The following SAMD5 variants were observed in gnomAD, a reference collection of about 807,000 sequenced individuals.
The protein encoded by SAMD5 is sterile alpha motif domain containing 5, also known as sterile alpha motif domain-containing protein 5.
A neutral mutation model predicts 11.3 loss-of-function variants in SAMD5; 13 were observed. The ratio of observed to expected loss-of-function variants is 1.15; its 90% CI spans 0.75 to 1.83. The LOEUF is 1.83. SAMD5 is among the 40% of genes most tolerant of loss of function. The probability of loss-of-function intolerance (pLI) is 0.00; values close to 1 mark genes in which losing one functional copy is unlikely to be tolerated. For missense variants in SAMD5, 255 were observed against 239.1 expected, an observed-to-expected ratio of 1.07 and a Z score of -0.44; for synonymous variants, 129 against 111.3, an observed-to-expected ratio of 1.16 and a Z score of -1.00.
intron 1 of SAMD5, among the ~76,000 whole-genome samples, chr6:147,621,494 C>A (rs11155510): frequency 0.43 from 65,676 of 152,028 alleles, 14,903 homozygotes; most frequent in East Asian, 0.58. Context: ...ATCCAACAGC[C>A]ATCCCTCCTT....
the SAMD5 span, among the ~76,000 whole-genome samples, chr6:147,769,009 G>A: frequency 2.0e-5 from 3 of 152,138 alleles, no homozygotes; most frequent in South Asian, 6.2e-4. Flanking sequence ...GCCCAGGTTG[G>A]TCTCGAACTC....
the SAMD5 span, among the ~76,000 whole-genome samples, chr6:147,791,287 C>T: frequency 1.3e-5 from 2 of 149,668 alleles, no homozygotes; most frequent in Non-Finnish European, 3.0e-5. Context: ...AAGACCCCGT[C>T]TCAAATAAAT....
chr6:147,733,203 C>A (rs1290106963), intron 1 of SAMD5, among the ~76,000 whole-genome samples: 5 of 152,186 alleles, frequency 3.3e-5, no homozygotes. Context: ...TAGGTCATAA[C>A]AAAAGCATTA....
the SAMD5 span, among the ~76,000 whole-genome samples, chr6:147,771,664 GTCC>G: frequency 9.2e-5 from 14 of 152,022 alleles, no homozygotes; most frequent in Non-Finnish European, 1.6e-4. Flanking sequence ...AAATGTGAAG[GTCC>G]TCATCACCAA....
chr6:147,633,790 A>G (rs1790185903), intron 1 of SAMD5, among the ~76,000 whole-genome samples: 1 of 151,530 alleles, frequency 6.6e-6, no homozygotes, highest in Non-Finnish European at 1.5e-5. Flanking sequence ...GTGTGTTCAA[A>G]GGAGTGTATT....
intron 1 of SAMD5, among the ~76,000 whole-genome samples, chr6:147,672,048 C>T (rs1338480956): frequency 1.3e-5 from 2 of 151,886 alleles, no homozygotes; most frequent in East Asian, 3.9e-4. Context: ...TACGTGTTTA[C>T]AATATTGAGT....
At chr6:147,931,063 T>C in the SAMD5 span, among the ~76,000 whole-genome samples, 1 of 152,164 alleles carries the variant, frequency 6.6e-6, no homozygotes, top group Non-Finnish European at 1.5e-5. Flanking sequence ...CCAGTTTTCT[T>C]AAAGAATCTC....
At chr6:147,871,957 A>G in the SAMD5 span, among the ~76,000 whole-genome samples, 10 of 152,358 alleles carry the variant, frequency 6.6e-5, no homozygotes, top group African/African-American at 2.4e-4. Context: ...AAAATAATAT[A>G]TATGTAAATT....
chr6:147,873,456 A>G, the SAMD5 span, among the ~76,000 whole-genome samples: 10 of 152,152 alleles, frequency 6.6e-5, no homozygotes, highest in Admixed American at 6.5e-5. Flanking sequence ...TGATTTTTCA[A>G]TAGTCTAGGG....
intron 1 of SAMD5, among the ~76,000 whole-genome samples, chr6:147,540,067 T>C (rs745808495): frequency 9.9e-5 from 15 of 151,804 alleles, no homozygotes; most frequent in Admixed American, 3.3e-4. Context: ...AAAGAGATGG[T>C]GAGCAGTTTC....
the SAMD5 span, among the ~76,000 whole-genome samples, chr6:147,753,435 A>G: frequency 6.6e-6 from 1 of 152,192 alleles, no homozygotes; most frequent in Non-Finnish European, 1.5e-5. Context: ...GTGGGTACAT[A>G]GTAGGTGTAC....
At chr6:147,911,441 A>C in the SAMD5 span, among the ~76,000 whole-genome samples, 3 of 152,170 alleles carry the variant, frequency 2.0e-5, no homozygotes, top group African/African-American at 7.2e-5. Context: ...TCCTTTATAC[A>C]TGAAGATGTC....
the SAMD5 span, among the ~76,000 whole-genome samples, chr6:147,830,445 C>T: frequency 5.9e-5 from 9 of 151,454 alleles, no homozygotes; most frequent in South Asian, 2.1e-4. Context: ...TTAGTGGAGA[C>T]GGGGTTTCAC....
At chr6:147,756,132 G>C in the SAMD5 span, among the ~76,000 whole-genome samples, 1 of 151,892 alleles carries the variant, frequency 6.6e-6, no homozygotes, top group Non-Finnish European at 1.5e-5. Context: ...CGTCAAGTTT[G>C]AAAAAAACAA....
chr6:147,520,271 C>CA (rs1202749619), intron 1 of SAMD5, among the ~76,000 whole-genome samples: 1 of 152,114 alleles, frequency 6.6e-6, no homozygotes, highest in South Asian at 2.1e-4. Context: ...GCACTGCCAC[C>CA]ATTGCCTGGC....
At chr6:147,773,647 C>T in the SAMD5 span, among the ~76,000 whole-genome samples, 1 of 152,208 alleles carries the variant, frequency 6.6e-6, no homozygotes, top group East Asian at 1.9e-4. Context: ...CTCTTTAGTG[C>T]CTCTTTTTAT....
At chr6:147,512,646 A>G (rs1199220168) in intron 1 of SAMD5, among the ~76,000 whole-genome samples, 1 of 152,212 alleles carries the variant, frequency 6.6e-6, no homozygotes, top group Non-Finnish European at 1.5e-5. Flanking sequence ...CATCATTGGA[A>G]GAGTTCCTCT....
At chr6:147,949,801 A>C in the SAMD5 span, among the ~76,000 whole-genome samples, 1 of 152,240 alleles carries the variant, frequency 6.6e-6, no homozygotes, top group Admixed American at 6.5e-5. Flanking sequence ...ACTAAAAGAT[A>C]CTATACTTCC....
intron 1 of SAMD5, among the ~76,000 whole-genome samples, chr6:147,717,555 C>A (rs1232332708): frequency 6.6e-6 from 1 of 152,164 alleles, no homozygotes; most frequent in East Asian, 1.9e-4. Context: ...GGGAAGGACC[C>A]CGCGTGTCCA....
Sources: gnomAD v4.1 joint callset for allele counts (sites outside exome capture counted in the v4.1 genomes callset) on GRCh38, gnomAD v4.1.1 for gene constraint, MANE v1.5 for transcripts, NCBI Gene and HGNC (gene_info 2026-07-23, HGNC 2026-07-21) for gene names.